FAT1: variants seen among roughly 807,000 people sequenced by gnomAD.
FAT1 encodes the protein protocadherin Fat 1.
Under a neutral mutation model 329.8 loss-of-function variants are expected in FAT1, and 171 were observed. That is an observed-to-expected ratio of 0.52 (90% CI 0.46 to 0.59). FAT1 has a LOEUF of 0.59. Among genes scored for constraint, FAT1 ranks in the 20% least tolerant of loss-of-function variants. The probability of loss-of-function intolerance (pLI) is 0.00; values close to 1 mark genes in which losing one functional copy is unlikely to be tolerated. For synonymous variants in FAT1, 2,233 were observed against 2,228.6 expected (o/e 1.00, Z -0.06); for missense variants, 5,672 against 5,774.4 (o/e 0.98, Z 0.57).
chr4:186,640,194 A>G (rs1311711280), intron 3 of FAT1, among the ~76,000 whole-genome samples: 1 of 152,204 alleles, frequency 6.6e-6, no homozygotes, highest in Admixed American at 6.5e-5. Context: ...CAAGAAAAAA[A>G]GAAGAAAGAA....
At position 186,708,252 on chromosome 4, in the gene FAT1, C is replaced by A. The variant is rs747359804; in HGVS notation, c.1576G>T (p.Asp526Tyr). The change falls in exon 2 of 27, where the codon GAC (aspartate) becomes TAC (tyrosine). Residue 526 changes from aspartate to tyrosine, a missense_variant. Physicochemically the swap from Asp to Tyr is radical, Grantham distance 160. Transcript: ENST00000441802. Reference protein sequence around the residue: ...TGAVSTSENLDYELMPRVYTL... With the variant: ...TGAVSTSENLYYELMPRVYTL... ...TAAACCCGAGGCATCAGTTCGTAGT[C>A]CAGGTTTTCTGACGTACTCACGGCA... 6.2e-7 allele frequency: 1 copy of A among 1,614,000 alleles called. No homozygotes were observed. Among genetic ancestry groups the A allele is most frequent in the Non-Finnish European group, 8.5e-7 (1 of 1,179,906 alleles).
At chr4:186,650,612 T>G (rs1741593979) in intron 3 of FAT1, among the ~76,000 whole-genome samples, 1 of 152,190 alleles carries the variant, frequency 6.6e-6, no homozygotes, top group South Asian at 2.1e-4. Context: ...AACTTACCTG[T>G]GCTCACCCTG....
chr4:186,665,643 C>T (rs920258058), intron 2 of FAT1, among the ~76,000 whole-genome samples: 94 of 152,202 alleles, frequency 6.2e-4, no homozygotes, highest in African/African-American at 2.1e-3. Context: ...CTGTAGGTTG[C>T]CTCTTCACTC....
intron 17 of FAT1, 139 bp from the exon 18 acceptor site, chr4:186,604,713 A>C: frequency 1.8e-6 from 1 of 567,150 alleles, no homozygotes. Context: ...GAAGAGAAGA[A>C]AGGTGGAGAC....
chr4:186,656,682 C>A (rs78369948), intron 3 of FAT1, among the ~76,000 whole-genome samples: 3,407 of 152,252 alleles, frequency 0.022, 132 homozygotes, highest in African/African-American at 0.078. Flanking sequence ...TACAACACAA[C>A]AGCACAATTT....
intron 3 of FAT1, among the ~76,000 whole-genome samples, chr4:186,643,273 T>C (rs1741186669): frequency 6.6e-6 from 1 of 152,158 alleles, no homozygotes; most frequent in Non-Finnish European, 1.5e-5. Context: ...TCAGGAGGCA[T>C]AATTCACAAA....
Position 186,636,912 on chromosome 4 carries a change from A to G in FAT1, c.3645T>C (p.Val1215=), listed in dbSNP as rs1459930805. The change falls in exon 5 of 27, where the codon GTT becomes GTC. Residue 1215 remains valine (V), a splice_region_variant and synonymous_variant. Coordinates refer to ENST00000441802, the MANE Select transcript of FAT1 (RefSeq NM_005245.4). ...GGGGACTACCATTGTCTGTCACAGTAACCTGTTTTTTTAAAGTTAACAGAT... is the reference window on the plus strand; with the variant it reads ...GGGGACTACCATTGTCTGTCACAGTGACCTGTTTTTTTAAAGTTAACAGAT... The part of the protein sequence containing the change: ...REQQDEHILE[V]TVTDNGSPPK... 6.3e-7 allele frequency: 1 copy of G among 1,593,868 alleles called. No homozygotes were observed. The highest frequency in any genetic ancestry group is 8.5e-7 in the Non-Finnish European group (1 of 1,173,014).
At chr4:186,671,486 T>A (rs1742723948) in intron 2 of FAT1, among the ~76,000 whole-genome samples, 1 of 151,910 alleles carries the variant, frequency 6.6e-6, no homozygotes, top group Admixed American at 6.6e-5. Context: ...TCACCTGAGG[T>A]CAGGAGTTAA....
chr4:186,639,678 G>A (rs1741004440), intron 4 of FAT1, 44 bp downstream of exon 4: 6 of 1,288,106 alleles, frequency 4.7e-6, no homozygotes, highest in Non-Finnish European at 6.7e-6. Context: ...CATGATACTT[G>A]TAACTACGAA....
In FAT1 at chr4:186,597,802, A is replaced by G; in HGVS notation, c.12258-10T>C. On this transcript the variant is annotated splice_polypyrimidine_tract_variant and intron_variant, in intron 23 of 26. Transcript: ENST00000441802. ...TGGACTAAGCTGACACCTGAAGAGT[A>G]AGGAGAAACAGACATAAACCTCATG... is the stretch of plus-strand genomic sequence containing the variant. 1.9e-6 allele frequency: 3 copies of G among 1,608,478 alleles called. No homozygotes were observed. Among genetic ancestry groups the G allele is most frequent in the Non-Finnish European group, 1.7e-6 (2 of 1,174,968 alleles).
At chr4:186,613,058 C>T (rs2126473714) in intron 13 of FAT1, 51 bp downstream of exon 13, 3 of 1,288,350 alleles carry the variant, frequency 2.3e-6, no homozygotes, top group Non-Finnish European at 3.3e-6. Context: ...GAAACAGAGG[C>T]TCCTAGGATC....
intron 14 of FAT1, among the ~76,000 whole-genome samples, chr4:186,611,133 T>C (rs916585125): frequency 6.6e-6 from 1 of 152,314 alleles, no homozygotes; most frequent in Admixed American, 6.5e-5. Flanking sequence ...ACATGCTGCT[T>C]TGATTTTCTA....
chr4:186,604,400 C>T lies in FAT1; in HGVS notation c.10525G>A (p.Asp3509Asn), dbSNP rs2126438082. The T allele has an allele frequency of 6.2e-7, 1 of 1,613,626 alleles. No individual in the cohort carries two copies. The highest frequency in any genetic ancestry group is 8.5e-7 in the Non-Finnish European group (1 of 1,179,734). ...TSSAIKRKEK[D>N]HYLLQVKVAD... Reference sequence around the variant, plus strand: ...ACCTTCACCTGCAGTAAGTAATGATCTTTCTCCTTCCTCTTGATGGCAGAT... The same window carrying T: ...ACCTTCACCTGCAGTAAGTAATGATTTTTCTCCTTCCTCTTGATGGCAGAT... Residue 3509 changes from aspartate (D) to asparagine (N), a missense_variant, in exon 18 of 27, where the codon GAT (aspartate) becomes AAT (asparagine). By Grantham distance (23) the Asp-to-Asn change is conservative (BLOSUM62 1). This residue lies in a region of FAT1 where 1,706 missense variants were observed against 1,859.1 expected (regional missense o/e 0.92). Coordinates refer to ENST00000441802, the MANE Select transcript of FAT1 (RefSeq NM_005245.4).
intron 20 of FAT1, 137 bp downstream of exon 20, chr4:186,602,766 T>C (rs1305576335): frequency 1.0e-6 from 1 of 992,790 alleles, no homozygotes; most frequent in East Asian, 2.7e-5. Flanking sequence ...ACTGTCATTC[T>C]TTATTCATCT....
In FAT1 at chr4:186,613,293, A is replaced by G; in HGVS notation, c.9279T>C (p.Tyr3093=). 6.2e-7 allele frequency: 1 copy of G among 1,614,050 alleles called. No homozygotes were observed. The highest frequency in any genetic ancestry group is 1.3e-5 in the African/African-American group (1 of 75,068). ...CATCTGTGGCCCTGACGAGAAGATG[A>G]TAAACAGCTTGCTCCTCACGATCAA... ...TPLDREEQAV[Y]HLLVRATDGG... The change falls in exon 13 of 27, where the codon TAT becomes TAC. Residue 3093 remains tyrosine, a synonymous_variant. Transcript: ENST00000441802.
intron 9 of FAT1, among the ~76,000 whole-genome samples, chr4:186,622,579 T>C (rs1018028242): frequency 6.6e-6 from 1 of 152,236 alleles, no homozygotes; most frequent in Non-Finnish European, 1.5e-5. Context: ...TGCTCAAAGA[T>C]AGAGTGTTTT....
In FAT1 at chr4:186,602,243, T is replaced by C. The variant is rs552393385; in HGVS notation, c.11482+660A>G. Among the ~76,000 whole-genome samples, 3 of 152,230 alleles carry C rather than the reference T, an allele frequency of 2.0e-5. No individual in the cohort carries two copies. The South Asian group carries it at 6.2e-4, about 32-fold the overall frequency. ...GGAGAGTGAAACCTTCATACATAAC[T>C]GGGAGAAATAAAAATTAATACGACT... On this transcript the variant is annotated intron_variant, in intron 20 of 26. Coordinates refer to ENST00000441802, the MANE Select transcript of FAT1 (RefSeq NM_005245.4).
chr4:186,630,544 G>A lies in FAT1; in HGVS notation c.4324-1781C>T, dbSNP rs111597075. On this transcript the variant is annotated intron_variant, in intron 7 of 26. Transcript: ENST00000441802. ...GTGGCAGGGATGAAGAATGGCGACTGGAAGGTGAATTGAGTGTTGGTGGGA... is the reference window on the plus strand; with the variant it reads ...GTGGCAGGGATGAAGAATGGCGACTAGAAGGTGAATTGAGTGTTGGTGGGA... 1.3e-5 allele frequency among the ~76,000 whole-genome samples: 2 copies of A among 152,230 alleles called. 1 individual carries two copies. Among genetic ancestry groups the A allele is most frequent in the African/African-American group, 4.8e-5 (2 of 41,514 alleles).
chr4:186,683,895 A>AT (rs145807982), intron 2 of FAT1, among the ~76,000 whole-genome samples: 8,315 of 151,724 alleles, frequency 0.055, 253 homozygotes, highest in South Asian at 0.097. Context: ...TTCAGAGGGA[A>AT]TTTTTTTTTA....
Sources: gnomAD v4.1 joint callset for allele counts (sites outside exome capture counted in the v4.1 genomes callset) on GRCh38, gnomAD v4.1.1 for gene constraint, gnomAD v4.1.1 regional missense constraint, MANE v1.5 for transcripts, NCBI Gene and HGNC (gene_info 2026-07-23, HGNC 2026-07-21) for gene names.